The following GALNT17 variants were observed in gnomAD, a reference collection of about 807,000 sequenced individuals.
GALNT17 encodes the protein UDP-GalNAc:polypeptide N-acetylgalactosaminyltransferase-like 3.
In GALNT17, 29 loss-of-function variants were observed where a neutral mutation model predicts 63.7. That is an observed-to-expected ratio of 0.46 (90% CI 0.34 to 0.62). The LOEUF (loss-of-function observed/expected upper bound fraction) is 0.62. GALNT17 is among the 20% of genes least tolerant of loss of function. The pLI is 0.01. For synonymous variants in GALNT17, 305 were observed against 318.3 expected (o/e 0.96, Z 0.45); for missense variants, 603 against 799.6 (o/e 0.75, Z 2.97).
At position 71,248,064 on chromosome 7, in the gene GALNT17, A is replaced by T. The variant is rs918030341; in HGVS notation, c.239-87486A>T. ...AGGAAGACCCAAGACTGGGTAATTT[A>T]TAAAGGAAAGAGGTTTAATTGACTC... On this transcript the variant is annotated intron_variant, in intron 1 of 10. Transcript: ENST00000333538. 3.3e-5 allele frequency among the ~76,000 whole-genome samples: 5 copies of T among 152,308 alleles called. No homozygotes were observed. The South Asian group carries it at 1.0e-3, about 32-fold the overall frequency.
intron 1 of GALNT17, among the ~76,000 whole-genome samples, chr7:71,274,544 C>T (rs117627539): frequency 2.8e-4 from 43 of 152,276 alleles, no homozygotes; most frequent in Admixed American, 1.0e-3. Context: ...CCTCCAAAAG[C>T]GCTGGGTTGG....
chr7:71,478,761 A>C (rs1787765641), intron 5 of GALNT17, among the ~76,000 whole-genome samples: 1 of 150,632 alleles, frequency 6.6e-6, no homozygotes. Context: ...TAGGGGTAGG[A>C]GGAGGATGAA....
At chr7:71,630,674 A>C (rs940780733) in intron 6 of GALNT17, among the ~76,000 whole-genome samples, 4 of 152,218 alleles carry the variant, frequency 2.6e-5, no homozygotes, top group Admixed American at 6.5e-5. Flanking sequence ...TCACAAACAC[A>C]TGAGAAGTGC....
chr7:71,162,099 CCCTT>C (rs1253972610), intron 1 of GALNT17, among the ~76,000 whole-genome samples: 6 of 86,096 alleles, frequency 7.0e-5, no homozygotes, highest in African/African-American at 1.0e-4. Flanking sequence ...CTCCCTCCCT[CCCTT>C]CCTTCCTCCC....
intron 6 of GALNT17, among the ~76,000 whole-genome samples, chr7:71,582,587 G>T (rs905229544): frequency 2.7e-5 from 4 of 150,772 alleles, no homozygotes; most frequent in African/African-American, 9.7e-5. Context: ...CTCAAAAAAA[G>T]AAAAAAAAGA....
In GALNT17 at chr7:71,583,590, A is replaced by G. The variant is rs188942412; in HGVS notation, c.1080+12188A>G. Among the ~76,000 whole-genome samples the G allele has an allele frequency of 1.4e-3, 214 of 152,344 alleles. 1 individual carries two copies. In the South Asian group the frequency reaches 0.027, roughly 19 times the overall value. ...TTTATTGGACATGGAAAAAGGGGAAAAATTAAACAGATTCCCTGGCATTAG... is the reference window on the plus strand; with the variant it reads ...TTTATTGGACATGGAAAAAGGGGAAGAATTAAACAGATTCCCTGGCATTAG... On this transcript the variant is annotated intron_variant, in intron 6 of 10. Transcript: ENST00000333538.
intron 9 of GALNT17, among the ~76,000 whole-genome samples, chr7:71,696,368 C>T (rs1179266007): frequency 6.6e-6 from 1 of 152,170 alleles, no homozygotes; most frequent in Non-Finnish European, 1.5e-5. Flanking sequence ...CTGCCTCACC[C>T]TCCCAAAGTG....
At chr7:71,561,185 G>A (rs775479645) in intron 5 of GALNT17, among the ~76,000 whole-genome samples, 1 of 151,958 alleles carries the variant, frequency 6.6e-6, no homozygotes, top group East Asian at 1.9e-4. Context: ...GCTAATTTTT[G>A]TATTTTTAGC....
At chr7:71,282,588 A>G (rs978201595) in intron 1 of GALNT17, among the ~76,000 whole-genome samples, 2 of 152,148 alleles carry the variant, frequency 1.3e-5, no homozygotes, top group East Asian at 1.9e-4. Flanking sequence ...AAAATCCTGC[A>G]TAAGGGCAGA....
chr7:71,216,065 A>AATAATG (rs147593554), intron 1 of GALNT17, among the ~76,000 whole-genome samples: 28 of 151,188 alleles, frequency 1.9e-4, no homozygotes, highest in African/African-American at 3.9e-4. Context: ...TAATAATAAT[A>AATAATG]AAAAAGCCAA....
chr7:71,238,413 G>A (rs1789935186), intron 1 of GALNT17, among the ~76,000 whole-genome samples: 1 of 152,150 alleles, frequency 6.6e-6, no homozygotes, highest in Admixed American at 6.5e-5. Flanking sequence ...AGGCTGGAGT[G>A]CAGTGGTGTG....
Position 71,188,046 on chromosome 7 carries a change from C to T in GALNT17, c.238+55006C>T, listed in dbSNP as rs765876067. Among the ~76,000 whole-genome samples, 5 of 152,128 alleles carry T rather than the reference C, an allele frequency of 3.3e-5. No homozygotes were observed. In the South Asian group the frequency reaches 8.3e-4, roughly 25 times the overall value. On this transcript the variant is annotated intron_variant, in intron 1 of 10. Transcript: ENST00000333538. ...GTCTCCAATCCCTTTCAAGTTGCTG[C>T]GAATGCCATTAATTCATTCATTTTT...
intron 5 of GALNT17, among the ~76,000 whole-genome samples, chr7:71,552,423 G>A (rs1789096185): frequency 6.7e-6 from 1 of 149,186 alleles, no homozygotes; most frequent in Non-Finnish European, 1.5e-5. Flanking sequence ...TATACAGTAG[G>A]TACCGTGCCT....
chr7:71,225,881 A>T (rs12666361), intron 1 of GALNT17, among the ~76,000 whole-genome samples: 50,244 of 152,128 alleles, frequency 0.33, 9,251 homozygotes, highest in South Asian at 0.53. Context: ...ACATGAAATT[A>T]TGCTTATGGT....
At chr7:71,330,898 A>G (rs983812182) in intron 1 of GALNT17, among the ~76,000 whole-genome samples, 1 of 151,848 alleles carries the variant, frequency 6.6e-6, no homozygotes, top group African/African-American at 2.4e-5. Context: ...AACATTGCCT[A>G]TCCTTCCCCT....
At chr7:71,567,732 G>A (rs1158163488) in intron 5 of GALNT17, among the ~76,000 whole-genome samples, 1 of 152,266 alleles carries the variant, frequency 6.6e-6, no homozygotes, top group South Asian at 2.1e-4. Flanking sequence ...CAAAGTGCTG[G>A]GGTTACAGGT....
rs1786652982 is a variant in GALNT17 at position 71,420,967 on chromosome 7, T to C, written c.824T>C (p.Ile275Thr). Reference protein sequence around the residue: ...ENRKRVILPSIDNIKQDNFEV... With the variant: ...ENRKRVILPSTDNIKQDNFEV... ...CGGAAGCGTGTGATCCTCCCCTCCA[T>C]TGACAACATCAAACAGGACAACTTT... is the stretch of plus-strand genomic sequence containing the variant. The change falls in exon 5 of 11, where the codon ATT (isoleucine) becomes ACT (threonine). Residue 275 changes from isoleucine (I) to threonine (T), a missense_variant. Physicochemically the swap from Ile to Thr is moderately conservative, Grantham distance 89. Transcript: ENST00000333538. The C allele has an allele frequency of 1.2e-6, 2 of 1,614,126 alleles. No homozygotes were observed. Among genetic ancestry groups the C allele is most frequent in the Non-Finnish European group, 1.7e-6 (2 of 1,180,004 alleles).
At chr7:71,572,536 T>G (rs1275856109) in intron 6 of GALNT17, among the ~76,000 whole-genome samples, 1 of 119,434 alleles carries the variant, frequency 8.4e-6, no homozygotes, top group Non-Finnish European at 1.7e-5. Flanking sequence ...AAAAACTACA[T>G]GTTTAAGGTG....
chr7:71,580,239 AT>A (rs1206123850), intron 6 of GALNT17, among the ~76,000 whole-genome samples: 1 of 152,056 alleles, frequency 6.6e-6, no homozygotes, highest in African/African-American at 2.4e-5. Flanking sequence ...GACTGATTAT[AT>A]AGACAGATAA....
Sources: allele counts gnomAD v4.1 joint callset (sites outside exome capture counted in the v4.1 genomes callset), GRCh38; gene constraint gnomAD v4.1.1; transcripts MANE v1.5; gene names NCBI Gene and HGNC (gene_info 2026-07-23, HGNC 2026-07-21).